KCTD1: variants seen among roughly 807,000 people sequenced by gnomAD.
The protein encoded by KCTD1 is BTB/POZ domain-containing protein KCTD1.
Under a neutral mutation model 66.0 loss-of-function variants are expected in KCTD1, and 24 were observed. That is an observed-to-expected ratio of 0.36 (90% CI 0.26 to 0.51). The LOEUF (loss-of-function observed/expected upper bound fraction) is 0.51. Among genes scored for constraint, KCTD1 ranks in the 20% least tolerant of loss-of-function variants. The probability of loss-of-function intolerance (pLI) is 0.95; values close to 1 mark genes in which losing one functional copy is unlikely to be tolerated. For missense variants in KCTD1, 943 were observed against 1,205.2 expected (o/e 0.78, Z 3.22); for synonymous variants, 511 against 517.2 (o/e 0.99, Z 0.16).
chr18:26,569,797 A>T (rs1156907662), intron 1 of KCTD1, among the ~76,000 whole-genome samples: 1 of 152,212 alleles, frequency 6.6e-6, no homozygotes, highest in Non-Finnish European at 1.5e-5. Flanking sequence ...TTAGACAGAA[A>T]GACACACAGC....
intron 1 of KCTD1, among the ~76,000 whole-genome samples, chr18:26,564,019 C>CTTTTTTTTT (rs35602601): frequency 7.0e-6 from 1 of 143,130 alleles, no homozygotes. Flanking sequence ...AAGAGAGGGG[C>CTTTTTTTTT]TTTTTTTTTT....
intron 1 of KCTD1, among the ~76,000 whole-genome samples, chr18:26,569,833 A>G (rs1412089014): frequency 6.6e-6 from 1 of 152,172 alleles, no homozygotes; most frequent in Admixed American, 6.5e-5. Context: ...CTCCCAAATA[A>G]TTAGGAATAA....
chr18:26,496,518 T>A (rs1340944328), intron 2 of KCTD1, among the ~76,000 whole-genome samples: 1 of 152,114 alleles, frequency 6.6e-6, no homozygotes, highest in Non-Finnish European at 1.5e-5. Flanking sequence ...CAGAAACACC[T>A]CCTAAAGAGC....
chr18:26,559,113 G>A (rs530714124), intron 1 of KCTD1, among the ~76,000 whole-genome samples: 1 of 152,166 alleles, frequency 6.6e-6, no homozygotes, highest in African/African-American at 2.4e-5. Flanking sequence ...AGGGTAGTGG[G>A]GTGGTTGGGG....
Position 26,468,143 on chromosome 18 carries a change from T to A in KCTD1, c.2134-8218A>T, listed in dbSNP as rs539433780. 5.3e-5 allele frequency among the ~76,000 whole-genome samples: 8 copies of A among 152,284 alleles called. No individual in the cohort carries two copies. Among genetic ancestry groups the A allele is most frequent in the Non-Finnish European group, 1.0e-4 (7 of 68,036 alleles). On this transcript the variant is annotated intron_variant, in intron 3 of 4. Coordinates refer to ENST00000580059, the MANE Select transcript of KCTD1 (RefSeq NM_001142730.3). The surrounding 1 kb of genome is among the most constrained non-coding windows in gnomAD (Gnocchi z 4.8). ...GTGCCTATGCATGCGTACACGCTCA[T>A]GTGCAGGGCATAAAACAACAATGAG...
chr18:26,537,025 C>A (rs2144797073), intron 1 of KCTD1, among the ~76,000 whole-genome samples: 1 of 152,004 alleles, frequency 6.6e-6, no homozygotes, highest in South Asian at 2.1e-4. Context: ...ATTGTGAACA[C>A]CCTACCATTA....
At chr18:26,633,078 A>C (rs1174031252), upstream of KCTD1, among the ~76,000 whole-genome samples, 1 of 152,154 alleles carries the variant, frequency 6.6e-6, no homozygotes. Flanking sequence ...GCAACATGAG[A>C]GGATATTATA....
chr18:26,464,670 G>A lies in KCTD1; in HGVS notation c.2134-4745C>T, dbSNP rs962365894. Among the ~76,000 whole-genome samples, 40 of 152,224 alleles carry A rather than the reference G, an allele frequency of 2.6e-4. 1 individual carries two copies. Among genetic ancestry groups the A allele is most frequent in the Non-Finnish European group, 7.3e-5 (5 of 68,044 alleles). On this transcript the variant is annotated intron_variant, in intron 3 of 4. Coordinates refer to ENST00000580059, the MANE Select transcript of KCTD1 (RefSeq NM_001142730.3). The stretch of plus-strand genomic sequence containing the variant: ...AAAAACTGTGTAGGTGCCAGATGCC[G>A]TGGAAGGCACCGTGAGCACAAAAAG...
At chr18:26,639,276 G>A (rs1472113170) in intron 1 of KCTD1, among the ~76,000 whole-genome samples, 1 of 152,216 alleles carries the variant, frequency 6.6e-6, no homozygotes. Context: ...GAGCAAAGAA[G>A]TCTGGAGAAG....
intron 1 of KCTD1, among the ~76,000 whole-genome samples, chr18:26,510,301 G>A (rs755911539): frequency 3.9e-5 from 6 of 152,176 alleles, no homozygotes; most frequent in African/African-American, 7.2e-5. Context: ...TCACGAAATG[G>A]CACTTGAGCT....
At chr18:26,483,000 G>A (rs560268117) in intron 2 of KCTD1, among the ~76,000 whole-genome samples, 1 of 152,300 alleles carries the variant, frequency 6.6e-6, no homozygotes, top group Admixed American at 6.5e-5. Flanking sequence ...CAAGCCATGG[G>A]ACATATGGTT....
At chr18:26,639,635 C>T (rs1987793872) in intron 1 of KCTD1, among the ~76,000 whole-genome samples, 1 of 152,040 alleles carries the variant, frequency 6.6e-6, no homozygotes, top group Non-Finnish European at 1.5e-5. Flanking sequence ...TATCTCTCTC[C>T]CCCATCCCAT....
chr18:26,602,839 A>G (rs1054138262), intron 1 of KCTD1, among the ~76,000 whole-genome samples: 1 of 152,254 alleles, frequency 6.6e-6, no homozygotes, highest in Non-Finnish European at 1.5e-5. Context: ...AAGGGCCTAA[A>G]TATGAGAATA....
Position 26,547,595 on chromosome 18 carries a change from C to T in KCTD1, c.942G>A (p.Thr314=), listed in dbSNP as rs1230443903. The T allele has an allele frequency of 1.3e-5, 20 of 1,551,342 alleles. No individual in the cohort carries two copies. Among genetic ancestry groups the T allele is most frequent in the Non-Finnish European group, 1.7e-5 (20 of 1,146,718 alleles). ...FGLLNKVWFE[T]CMYFCTRGRE... ...GGCCGCGGGTACAGAAGTACATGCA[C>T]GTCTCGAACCAGACCTTGTTGAGCA... Residue 314 remains threonine, a synonymous_variant, in exon 1 of 5, where the codon ACG becomes ACA. Coordinates refer to ENST00000580059, the MANE Select transcript of KCTD1 (RefSeq NM_001142730.3).
intron 1 of KCTD1, among the ~76,000 whole-genome samples, chr18:26,577,371 T>G (rs763143826): frequency 3.9e-5 from 6 of 152,198 alleles, no homozygotes; most frequent in Non-Finnish European, 8.8e-5. Context: ...ACACCTCCCT[T>G]GTTAATGTTG....
At chr18:26,555,038 A>G (rs777079539) in intron 1 of KCTD1, among the ~76,000 whole-genome samples, 81 of 152,228 alleles carry the variant, frequency 5.3e-4, no homozygotes, top group Non-Finnish European at 1.0e-3. Flanking sequence ...TATTAAATAA[A>G]ATTTTATTTC....
At chr18:26,461,685 C>T (rs1324195821) in intron 3 of KCTD1, among the ~76,000 whole-genome samples, 1 of 152,240 alleles carries the variant, frequency 6.6e-6, no homozygotes, top group East Asian at 1.9e-4. Flanking sequence ...GACCTAAACA[C>T]TTATTTACCA....
intron 2 of KCTD1, among the ~76,000 whole-genome samples, chr18:26,500,827 T>C (rs1301443994): frequency 1.3e-5 from 2 of 152,184 alleles, no homozygotes. Flanking sequence ...TAGAGCAAAA[T>C]ATCACAGTAT....
chr18:26,635,621 A>C (rs1987707823), intron 1 of KCTD1, among the ~76,000 whole-genome samples: 1 of 152,186 alleles, frequency 6.6e-6, no homozygotes, highest in South Asian at 2.1e-4. Context: ...TAACTGTGAC[A>C]CAGATCCCCC....
Sources: gnomAD v4.1 joint callset for allele counts (sites outside exome capture counted in the v4.1 genomes callset) on GRCh38, gnomAD v4.1.1 for gene constraint, Gnocchi (gnomAD v3.1) non-coding constraint, MANE v1.5 for transcripts, NCBI Gene and HGNC (gene_info 2026-07-23, HGNC 2026-07-21) for gene names.